The following SEL1L variants were observed in gnomAD, a reference collection of about 807,000 sequenced individuals.
SEL1L encodes the protein SEL1L adaptor subunit of SYVN1 ubiquitin ligase.
SEL1L carries 52 observed loss-of-function variants against 109.8 expected under a neutral mutation model. The observed-to-expected ratio is 0.47, with a 90% CI of 0.38 to 0.60. The LOEUF is 0.60. Ranked by LOEUF, SEL1L falls within the 20% of genes least tolerant of loss-of-function variation. The probability of loss-of-function intolerance (pLI) is 0.00; values close to 1 mark genes in which losing one functional copy is unlikely to be tolerated. For synonymous variants in SEL1L, 373 were observed against 339.6 expected (o/e 1.10, Z -1.08); for missense variants, 749 against 962.2 (o/e 0.78, Z 2.93).
At chr14:81,497,019 C>T (rs890178660) in intron 10 of SEL1L, among the ~76,000 whole-genome samples, 1 of 151,512 alleles carries the variant, frequency 6.6e-6, no homozygotes. Flanking sequence ...AAGCACTCAA[C>T]CAAAAAAGGG....
At position 81,479,623 on chromosome 14, in the gene SEL1L, G is replaced by C; in HGVS notation, c.2164C>G (p.Arg722Gly). 6.2e-7 allele frequency: 1 copy of C among 1,611,712 alleles called. No homozygotes were observed. Among genetic ancestry groups the C allele is most frequent in the Non-Finnish European group, 8.5e-7 (1 of 1,179,198 alleles). Residue 722 changes from arginine to glycine, a missense_variant, in exon 20 of 21, where the codon CGG (arginine) becomes GGG (glycine). Coordinates refer to ENST00000336735, the MANE Select transcript of SEL1L (RefSeq NM_005065.6). ...TACGGACCACTTACGTTTGTTTCCC[G>C]TATGTACTGCAAGAAATAGACGACG... ...LGVVYFLQYI[R>G]ETNIRDMFTQ...
At chr14:81,485,474 CA>C (rs1294905950) in intron 18 of SEL1L, among the ~76,000 whole-genome samples, 197 bp downstream of exon 18, 1 of 149,574 alleles carries the variant, frequency 6.7e-6, no homozygotes, top group Non-Finnish European at 1.5e-5. Flanking sequence ...TTAGTAGAGA[CA>C]GGGTTTTACT....
chr14:81,497,798 A>G, intron 10 of SEL1L, 94 bp downstream of exon 10: 4 of 1,160,604 alleles, frequency 3.4e-6, no homozygotes, highest in Non-Finnish European at 4.9e-6. Context: ...GGCAATGAAA[A>G]TGTAACTTAC....
At position 81,485,709 on chromosome 14, in the gene SEL1L, G is replaced by A; in HGVS notation, c.1836C>T (p.Pro612=). ...ASIVGENETY[P]RALLHWNRAA... is the part of the protein sequence containing the mutation. The stretch of plus-strand genomic sequence containing the variant: ...CCCTGTTCCAATGTAGCAAAGCTCT[G>A]GGATAAGTTTCATTCTCACCTACAA... The change falls in exon 18 of 21, where the codon CCC becomes CCT. Residue 612 remains proline (P), a synonymous_variant. Coordinates refer to ENST00000336735, the MANE Select transcript of SEL1L (RefSeq NM_005065.6). The A allele has an allele frequency of 3.1e-6, 5 of 1,613,978 alleles. No homozygotes were observed. The highest frequency in any genetic ancestry group is 4.2e-6 in the Non-Finnish European group (5 of 1,179,948).
chr14:81,528,479 C>T (rs1437471179), intron 1 of SEL1L, among the ~76,000 whole-genome samples: 1 of 152,158 alleles, frequency 6.6e-6, no homozygotes, highest in Non-Finnish European at 1.5e-5. Flanking sequence ...CCTTCTGTTA[C>T]TTTTTCCATG....
intron 3 of SEL1L, among the ~76,000 whole-genome samples, chr14:81,522,080 T>G (rs1223846893): frequency 6.6e-6 from 1 of 152,200 alleles, no homozygotes; most frequent in Non-Finnish European, 1.5e-5. Flanking sequence ...AAAGAAAATA[T>G]TTTTGTATAG....
At chr14:81,510,512 CTCTATATA>C (rs1247989223) in intron 3 of SEL1L, among the ~76,000 whole-genome samples, 37 of 106,728 alleles carry the variant, frequency 3.5e-4, no homozygotes, top group African/African-American at 8.8e-4. Context: ...CTCTCTCTCT[CTCTATATA>C]TATATATATA....
Position 81,504,348 on chromosome 14 carries a change from C to A in SEL1L, c.509-42G>T, listed in dbSNP as rs199665564. On this transcript the variant is annotated intron_variant, in intron 4 of 20. Transcript: ENST00000336735. ...AGATGCATTTAAATGGATTTTAATT[C>A]TATCAATTATCAACCATTAGTATTC... The A allele has an allele frequency of 4.4e-5, 60 of 1,368,554 alleles. No individual in the cohort carries two copies. The African/African-American group carries it at 7.6e-4, about 17-fold the overall frequency. The allele number at this position is 1,368,554 out of a possible 1,614,324, so 84.8% of individuals were successfully genotyped here.
At chr14:81,490,254 G>T in intron 13 of SEL1L, 134 bp downstream of exon 13, 1 of 635,430 alleles carries the variant, frequency 1.6e-6, no homozygotes, top group South Asian at 2.4e-5. Flanking sequence ...ACATTCACAT[G>T]AATCATACTT....
rs776455819 is a variant in SEL1L at position 81,472,936 on chromosome 14, C to CT, written c.*4035dup. On this transcript the variant is annotated 3_prime_UTR_variant, in exon 21 of 21. Coordinates refer to ENST00000336735, the MANE Select transcript of SEL1L (RefSeq NM_005065.6). ...CATACAGGATAACCAGAGGTGGAAT[C>CT]TTTATTTCACAAGTTTCAAGATACA... 5.8e-6 allele frequency: 1 copy of CT among 171,124 alleles called. No homozygotes were observed. Among genetic ancestry groups the CT allele is most frequent in the Admixed American group, 5.8e-5 (1 of 17,206 alleles). The allele number at this position is 171,124 out of a possible 1,614,324, so 10.6% of individuals were successfully genotyped here.
chr14:81,505,609 A>C (rs1884210402), intron 4 of SEL1L, among the ~76,000 whole-genome samples: 1 of 152,236 alleles, frequency 6.6e-6, no homozygotes, highest in Non-Finnish European at 1.5e-5. Flanking sequence ...CTTTCCTTAG[A>C]GTCAGCATCT....
chr14:81,523,882 A>G (rs983723725), intron 3 of SEL1L, among the ~76,000 whole-genome samples: 1 of 152,214 alleles, frequency 6.6e-6, no homozygotes. Flanking sequence ...AGAGAAAGAA[A>G]AACACACCTT....
At chr14:81,486,492 A>G (rs994058365) in intron 16 of SEL1L, 38 bp from the exon 17 acceptor site, 1 of 1,600,128 alleles carries the variant, frequency 6.2e-7, no homozygotes, top group Middle Eastern at 1.7e-4. Flanking sequence ...AGTAGAAGAA[A>G]ATAAGAAAGA....
At chr14:81,492,620 T>C (rs2140001605) in intron 11 of SEL1L, 72 bp from the exon 12 acceptor site, 1 of 1,005,518 alleles carries the variant, frequency 9.9e-7, no homozygotes, top group Non-Finnish European at 1.5e-6. Flanking sequence ...CCAAAATAAT[T>C]ATTTCAGGAA....
rs1903071340 is a variant in SEL1L at position 81,473,690 on chromosome 14, G to A, written c.*3282C>T. 1 of 152,132 alleles carries A rather than the reference G, an allele frequency of 6.6e-6. No homozygotes were observed. Among genetic ancestry groups the A allele is most frequent in the African/African-American group, 2.4e-5 (1 of 41,424 alleles). 9.4% of individuals were successfully genotyped at this position (152,132 alleles called of 1,614,324 possible). A position where few individuals can be genotyped will look rare whatever the true frequency, so the allele number is the denominator to read the frequency against. On this transcript the variant is annotated 3_prime_UTR_variant, in exon 21 of 21. Transcript: ENST00000336735. Reference sequence around the variant, plus strand: ...CATGACACATCTTGTTTTGAAATGTGCATGTGAAATGTTAGTCCGAACCTC... The same window carrying A: ...CATGACACATCTTGTTTTGAAATGTACATGTGAAATGTTAGTCCGAACCTC...
intron 17 of SEL1L, 85 bp from the exon 18 acceptor site, chr14:81,485,831 G>T: frequency 1.9e-6 from 2 of 1,060,680 alleles, no homozygotes; most frequent in Non-Finnish European, 2.9e-6. Context: ...GGAAGGATAG[G>T]TGAAGCATAA....
intron 10 of SEL1L, 32 bp from the exon 11 acceptor site, chr14:81,495,169 G>A (rs1205059163): frequency 1.2e-6 from 2 of 1,602,308 alleles, no homozygotes; most frequent in African/African-American, 1.3e-5. Flanking sequence ...GCAAAAGTAA[G>A]TGGTACCATC....
chr14:81,483,554 C>A (rs1052203247), intron 19 of SEL1L, among the ~76,000 whole-genome samples: 1 of 151,954 alleles, frequency 6.6e-6, no homozygotes, highest in African/African-American at 2.4e-5. Context: ...CAGGAAAAGA[C>A]CTAGCTTTCA....
chr14:81,488,825 T>G (rs1021204863), intron 14 of SEL1L: 2 of 218,694 alleles, frequency 9.1e-6, no homozygotes, highest in African/African-American at 4.7e-5. Context: ...AGTTTGACTC[T>G]GAGTGAAGGG....
Sources: allele counts gnomAD v4.1 joint callset (sites outside exome capture counted in the v4.1 genomes callset), GRCh38; gene constraint gnomAD v4.1.1; transcripts MANE v1.5; gene names NCBI Gene and HGNC (gene_info 2026-07-23, HGNC 2026-07-21).